BTAF1: variants seen among roughly 807,000 people sequenced by gnomAD.
The protein encoded by BTAF1 is TATA-binding protein-associated factor 172.
In BTAF1, 38 loss-of-function variants were observed where a neutral mutation model predicts 227.1. The ratio of observed to expected loss-of-function variants is 0.17; its 90% CI spans 0.13 to 0.22. BTAF1 has a LOEUF of 0.22. Ranked by LOEUF, BTAF1 falls within the 10% of genes least tolerant of loss-of-function variation. The pLI is 1.00. For synonymous variants in BTAF1, 742 were observed against 751.9 expected, an observed-to-expected ratio of 0.99 and a Z score of 0.21; for missense variants, 1,598 against 2,204.0, an observed-to-expected ratio of 0.73 and a Z score of 5.51.
intron 1 of BTAF1, among the ~76,000 whole-genome samples, chr10:91,926,220 A>C (rs192151378): frequency 6.6e-6 from 1 of 152,364 alleles, no homozygotes; most frequent in East Asian, 1.9e-4. Flanking sequence ...TACGTAAAAT[A>C]GGTGGAAAAT....
intron 4 of BTAF1, among the ~76,000 whole-genome samples, chr10:91,945,570 T>G (rs1467982345): frequency 6.6e-6 from 1 of 152,222 alleles, no homozygotes; most frequent in Non-Finnish European, 1.5e-5. Flanking sequence ...CTTATTTCAC[T>G]TAACTTGATG....
At chr10:91,940,631 G>A (rs1276131135) in intron 3 of BTAF1, among the ~76,000 whole-genome samples, 3 of 151,798 alleles carry the variant, frequency 2.0e-5, no homozygotes, top group African/African-American at 4.8e-5. Context: ...AACTAGATTC[G>A]TTTTCAACTG....
intron 30 of BTAF1, among the ~76,000 whole-genome samples, chr10:92,012,983 T>G (rs1850475185): frequency 6.6e-6 from 1 of 152,158 alleles, no homozygotes; most frequent in South Asian, 2.1e-4. Flanking sequence ...TCTTTTCCTC[T>G]TCCTTACAAA....
rs146734126 is a variant in BTAF1, at chr10:91,953,781, A to T, written c.609A>T (p.Gly203=). The change falls in exon 6 of 38, where the codon GGA becomes GGT. Residue 203 remains glycine (G), a synonymous_variant. Transcript: ENST00000265990. ...AELIDSEFRA[G]MSNRQKNKAK... is the part of the protein sequence containing the mutation. ...TGATTGACTCAGAGTTTCGAGCAGGAATGAGCAATAGACAAAAGAACAAAG... is the reference window on the plus strand; with the variant it reads ...TGATTGACTCAGAGTTTCGAGCAGGTATGAGCAATAGACAAAAGAACAAAG... The T allele has an allele frequency of 1.7e-4, 267 of 1,614,080 alleles. No individual in the cohort carries two copies. Among genetic ancestry groups the T allele is most frequent in the Non-Finnish European group, 2.1e-4 (247 of 1,179,958 alleles).
chr10:92,022,796 A>G (rs902897782), intron 34 of BTAF1, among the ~76,000 whole-genome samples: 1 of 152,226 alleles, frequency 6.6e-6, no homozygotes, highest in Non-Finnish European at 1.5e-5. Context: ...TAAAAGAAAC[A>G]GCTGAATAGT....
At chr10:92,002,101 A>T (rs1849591170) in intron 25 of BTAF1, among the ~76,000 whole-genome samples, 1 of 152,120 alleles carries the variant, frequency 6.6e-6, no homozygotes, top group African/African-American at 2.4e-5. Flanking sequence ...TTGAACTTCT[A>T]GAGATGAAAA....
At chr10:91,974,156 C>A (rs1158559906) in intron 14 of BTAF1, among the ~76,000 whole-genome samples, 2 of 152,162 alleles carry the variant, frequency 1.3e-5, no homozygotes, top group Non-Finnish European at 2.9e-5. Flanking sequence ...CTCAATAATT[C>A]TAAAGTAATT....
intron 9 of BTAF1, 50 bp from the exon 10 acceptor site, chr10:91,959,735 T>C: frequency 2.3e-6 from 1 of 432,034 alleles, no homozygotes; most frequent in Non-Finnish European, 3.2e-6. Context: ...TGTGTGTGTG[T>C]GTGTGTATAT....
chr10:91,943,222 G>A (rs1845134269), intron 4 of BTAF1, among the ~76,000 whole-genome samples: 1 of 152,128 alleles, frequency 6.6e-6, no homozygotes, highest in African/African-American at 2.4e-5. Context: ...GCTGAGGCAG[G>A]AGAATTGCTT....
chr10:92,011,704 T>G (rs759348666), intron 30 of BTAF1, among the ~76,000 whole-genome samples: 2 of 152,190 alleles, frequency 1.3e-5, no homozygotes, highest in Non-Finnish European at 2.9e-5. Context: ...CTGGCCATTC[T>G]CCTTCCATAG....
At chr10:91,958,931 T>C in intron 8 of BTAF1, 134 bp from the exon 9 acceptor site, 1 of 743,882 alleles carries the variant, frequency 1.3e-6, no homozygotes, top group Non-Finnish European at 2.2e-6. Context: ...TGAAGAAAAA[T>C]ACATTCTTGT....
In BTAF1 at chr10:91,997,714, A is replaced by G. The variant is rs1564705854; in HGVS notation, c.3623A>G (p.Gln1208Arg). The G allele has an allele frequency of 1.2e-6, 2 of 1,614,026 alleles. No homozygotes were observed. Among genetic ancestry groups the G allele is most frequent in the Non-Finnish European group, 1.7e-6 (2 of 1,180,022 alleles). Residue 1208 changes from glutamine (Q) to arginine (R), a missense_variant, in exon 25 of 38, where the codon CAG becomes CGG. Around this residue, in one of 10 missense-constraint regions of BTAF1, gnomAD observed 425 missense variants for 491.2 expected, o/e 0.87. Transcript: ENST00000265990. ...QTDSVRFMAT[Q>R]CFATLIRLMP... ...GACAGTGTGAGATTCATGGCCACGC[A>G]GTGCTTTGCAACGCTAATTAGACTC...
At chr10:91,997,142 A>G (rs1330952423) in intron 24 of BTAF1, 2 of 1,289,432 alleles carry the variant, frequency 1.6e-6, no homozygotes, top group Non-Finnish European at 2.0e-6. Context: ...GTTCAAAAAT[A>G]CTGAAGATTA....
At chr10:91,973,303 C>T (rs1037006450) in intron 14 of BTAF1, among the ~76,000 whole-genome samples, 1 of 152,172 alleles carries the variant, frequency 6.6e-6, no homozygotes, top group Admixed American at 6.5e-5. Context: ...GTCTAACCCT[C>T]TCTGGTGATT....
chr10:91,931,797 CTT>C (rs1056067632), intron 1 of BTAF1, among the ~76,000 whole-genome samples: 2 of 152,200 alleles, frequency 1.3e-5, no homozygotes, highest in Non-Finnish European at 2.9e-5. Flanking sequence ...CTGCTCATCT[CTT>C]TGTTCTTCCT....
intron 1 of BTAF1, 100 bp downstream of exon 1, chr10:91,924,190 A>G (rs1843669629): frequency 4.0e-6 from 6 of 1,484,320 alleles, no homozygotes; most frequent in South Asian, 2.6e-5. Context: ...TCTCATTGTC[A>G]CTGGGCTCTG....
At chr10:92,007,208 GTCT>G (rs1329683135) in intron 25 of BTAF1, among the ~76,000 whole-genome samples, 1 of 81,586 alleles carries the variant, frequency 1.2e-5, no homozygotes, top group East Asian at 3.3e-4. Context: ...GGTATTTTTT[GTCT>G]TTTTTTTTTT....
intron 9 of BTAF1, 147 bp downstream of exon 9, chr10:91,959,301 A>C: frequency 3.5e-6 from 5 of 1,435,386 alleles, no homozygotes; most frequent in Non-Finnish European, 4.6e-6. Context: ...CATACAATGG[A>C]TTGAAAAGTA....
At chr10:91,931,627 C>G (rs1326542824) in intron 1 of BTAF1, among the ~76,000 whole-genome samples, 1 of 152,182 alleles carries the variant, frequency 6.6e-6, no homozygotes, top group Non-Finnish European at 1.5e-5. Context: ...GTCTACCCTC[C>G]AACATAATAC....
Sources: gnomAD v4.1 joint callset for allele counts (sites outside exome capture counted in the v4.1 genomes callset) on GRCh38, gnomAD v4.1.1 for gene constraint, gnomAD v4.1.1 regional missense constraint, MANE v1.5 for transcripts, NCBI Gene and HGNC (gene_info 2026-07-23, HGNC 2026-07-21) for gene names.